The following NXN variants were observed in gnomAD, a reference collection of about 807,000 sequenced individuals.
NXN encodes the protein nucleoredoxin 1.
Under a neutral mutation model 48.6 loss-of-function variants are expected in NXN, and 16 were observed. The observed-to-expected ratio is 0.33, with a 90% CI of 0.22 to 0.50. The LOEUF (loss-of-function observed/expected upper bound fraction) is 0.50, where lower values mean the gene tolerates loss of function less well. Among genes scored for constraint, NXN ranks in the 20% least tolerant of loss-of-function variants. The pLI, the probability that NXN is intolerant of heterozygous loss-of-function variation, is 0.98. For missense variants in NXN, 492 were observed against 605.5 expected, an observed-to-expected ratio of 0.81 and a Z score of 1.97; for synonymous variants, 281 against 269.6, an observed-to-expected ratio of 1.04 and a Z score of -0.41.
At chr17:848,967 G>C (rs2067894644) in intron 1 of NXN, among the ~76,000 whole-genome samples, 1 of 152,198 alleles carries the variant, frequency 6.6e-6, no homozygotes, top group African/African-American at 2.4e-5. Flanking sequence ...AACACTTATT[G>C]AGCATCTCAA....
intron 5 of NXN, among the ~76,000 whole-genome samples, chr17:810,145 CTGTGACTGG>C (rs1567810717): frequency 2.5e-4 from 17 of 67,452 alleles, no homozygotes; most frequent in African/African-American, 5.1e-4. Flanking sequence ...CGTTACGAGT[CTGTGACTGG>C]CGTGCACGTT....
intron 1 of NXN, among the ~76,000 whole-genome samples, chr17:884,423 TA>T (rs35444861): frequency 0.25 from 37,409 of 151,288 alleles, 4,933 homozygotes; most frequent in South Asian, 0.39. Flanking sequence ...AATAATCATG[TA>T]AAAAAAACAG....
chr17:953,051 C>T (rs1490707243), intron 1 of NXN, among the ~76,000 whole-genome samples: 4 of 152,150 alleles, frequency 2.6e-5, no homozygotes, highest in African/African-American at 7.2e-5. Context: ...AAGGTGGTCC[C>T]TGGAATCCAG....
rs1017084656 is a variant in NXN at position 920,116 on chromosome 17, T to C, written c.360+59203A>G. Among the ~76,000 whole-genome samples, 1 of 151,766 alleles carries C rather than the reference T, an allele frequency of 6.6e-6. No individual in the cohort carries two copies. The highest frequency in any genetic ancestry group is 1.5e-5 in the Non-Finnish European group (1 of 67,902). On this transcript the variant is annotated intron_variant, in intron 1 of 7. Coordinates refer to ENST00000336868, the MANE Select transcript of NXN (RefSeq NM_022463.5). The surrounding 1 kb of genome is among the most constrained non-coding windows in gnomAD (Gnocchi z 4.6). ...GGTTTCGCCATGTTGCCCAGGCTGG[T>C]CTTGAACTCCTGGGCTCAAGCGATC... is the stretch of plus-strand genomic sequence containing the variant.
intron 1 of NXN, among the ~76,000 whole-genome samples, chr17:950,392 G>A (rs2048241): frequency 0.077 from 11,692 of 152,152 alleles, 607 homozygotes; most frequent in East Asian, 0.25. Flanking sequence ...AGGATCCGAA[G>A]GCTTGGTTTT....
chr17:876,095 C>T (rs1249573336), intron 1 of NXN, among the ~76,000 whole-genome samples: 8 of 151,856 alleles, frequency 5.3e-5, no homozygotes, highest in Admixed American at 1.3e-4. Context: ...GCTGGAGAAT[C>T]GCTTGAACCT....
rs78598486 is a variant in NXN at position 819,238 on chromosome 17, G to A, written c.820+201C>T. 28,319 of 592,454 alleles carry A rather than the reference G, an allele frequency of 0.048. 801 individuals carry two copies. Among genetic ancestry groups the A allele is most frequent in the Middle Eastern group, 0.098 (211 of 2,164 alleles). 36.7% of individuals were successfully genotyped at this position (592,454 alleles called of 1,614,324 possible). Reference sequence around the variant, plus strand: ...CTGGGGTTACAGTGTGAGCTGCCATGCCCGGCCTGACAATACTTATTTTTT... The same window carrying A: ...CTGGGGTTACAGTGTGAGCTGCCATACCCGGCCTGACAATACTTATTTTTT... On this transcript the variant is annotated intron_variant, in intron 5 of 7. Coordinates refer to ENST00000336868, the MANE Select transcript of NXN (RefSeq NM_022463.5).
chr17:949,938 T>G (rs922595943), intron 1 of NXN, among the ~76,000 whole-genome samples: 12 of 151,928 alleles, frequency 7.9e-5, no homozygotes, highest in African/African-American at 2.9e-4. Context: ...TCTCGGGGGC[T>G]AACGGTCAAT....
chr17:858,939 G>A (rs924793874), intron 1 of NXN, among the ~76,000 whole-genome samples: 1 of 152,020 alleles, frequency 6.6e-6, no homozygotes. Context: ...AGCAGGCAGG[G>A]GCCAATTTTC....
At chr17:861,441 G>A (rs113930242) in intron 1 of NXN, among the ~76,000 whole-genome samples, 3 of 152,082 alleles carry the variant, frequency 2.0e-5, no homozygotes, top group Non-Finnish European at 4.4e-5. Context: ...ACCATTCTTT[G>A]CTCTTTCTAT....
intron 1 of NXN, among the ~76,000 whole-genome samples, chr17:966,635 C>T (rs568615693): frequency 1.4e-4 from 22 of 152,200 alleles, no homozygotes; most frequent in African/African-American, 5.3e-4. Flanking sequence ...ACATGAGCCA[C>T]CACGCCCGGC....
intron 1 of NXN, among the ~76,000 whole-genome samples, chr17:970,573 C>T (rs546077898): frequency 2.6e-5 from 4 of 152,316 alleles, no homozygotes; most frequent in East Asian, 1.9e-4. Flanking sequence ...TATCTCAGAG[C>T]GGTCCCTGCA....
intron 6 of NXN, among the ~76,000 whole-genome samples, chr17:804,469 T>C (rs1911380842): frequency 6.6e-6 from 1 of 151,840 alleles, no homozygotes; most frequent in South Asian, 2.1e-4. Flanking sequence ...TTTTGAGTTG[T>C]TGGAGGGGAG....
At chr17:952,977 A>C (rs1247127544) in intron 1 of NXN, among the ~76,000 whole-genome samples, 2 of 152,130 alleles carry the variant, frequency 1.3e-5, no homozygotes, top group Non-Finnish European at 2.9e-5. Flanking sequence ...AAGCAGTAAC[A>C]AGGTGGTCCT....
intron 1 of NXN, among the ~76,000 whole-genome samples, chr17:843,006 G>GAGAAAAGAA (rs1914438257): frequency 1.0e-5 from 1 of 96,042 alleles, no homozygotes; most frequent in East Asian, 3.2e-4. Flanking sequence ...GAGAGAAAGA[G>GAGAAAAGAA]AGAAAGAAAG....
chr17:875,780 G>A (rs1409306167), intron 1 of NXN, among the ~76,000 whole-genome samples: 1 of 145,700 alleles, frequency 6.9e-6, no homozygotes, highest in East Asian at 2.0e-4. Context: ...AAAAAAAATT[G>A]TAGAACCCGG....
At position 871,416 on chromosome 17, in the gene NXN, T is replaced by C. The variant is rs986889079; in HGVS notation, c.361-45338A>G. Among the ~76,000 whole-genome samples, 12 of 136,958 alleles carry C rather than the reference T, an allele frequency of 8.8e-5. No homozygotes were observed. In the East Asian group the frequency reaches 2.3e-3, roughly 26 times the overall value. The allele number at this position is 136,958 out of a possible 152,430, so 89.8% of individuals were successfully genotyped here. A position where few individuals can be genotyped will look rare whatever the true frequency, so the allele number is the denominator to read the frequency against. ...CGCATTCACTTTTTTTTTTTTTTTT[T>C]TTTTTTGAGATGGATTCTCATCGTG... On this transcript the variant is annotated intron_variant, in intron 1 of 7. Coordinates refer to ENST00000336868, the MANE Select transcript of NXN (RefSeq NM_022463.5).
chr17:909,608 C>G (rs59384207), intron 1 of NXN: 1 of 150,120 alleles, frequency 6.7e-6, no homozygotes. Flanking sequence ...GTGCGATCTC[C>G]GCTCACTGCA....
At chr17:805,397 A>G (rs1290954532) in intron 5 of NXN, 150 bp from the exon 6 acceptor site, 2 of 842,784 alleles carry the variant, frequency 2.4e-6, no homozygotes, top group Non-Finnish European at 3.6e-6. Context: ...GGCCAGGTCT[A>G]AAGTCACAAA....
Sources: allele counts gnomAD v4.1 joint callset (sites outside exome capture counted in the v4.1 genomes callset), GRCh38; gene constraint gnomAD v4.1.1; non-coding constraint Gnocchi (gnomAD v3.1); transcripts MANE v1.5; gene names NCBI Gene and HGNC (gene_info 2026-07-23, HGNC 2026-07-21).